PDXDC1: variants seen among roughly 807,000 people sequenced by gnomAD.
PDXDC1 encodes the protein pyridoxal-dependent decarboxylase domain-containing protein 1.
PDXDC1 carries 42 observed loss-of-function variants against 100.1 expected under a neutral mutation model. That is an observed-to-expected ratio of 0.42 (90% CI 0.33 to 0.54). The LOEUF (loss-of-function observed/expected upper bound fraction) is 0.54. Ranked by LOEUF, PDXDC1 falls within the 20% of genes least tolerant of loss-of-function variation. The probability of loss-of-function intolerance (pLI) is 0.10; values close to 1 mark genes in which losing one functional copy is unlikely to be tolerated. For missense variants in PDXDC1, 636 were observed against 979.2 expected (o/e 0.65, Z 4.68); for synonymous variants, 260 against 371.7 (o/e 0.70, Z 3.46).
downstream of PDXDC1, chr16:15,040,112 C>T (rs376355936): frequency 2.1e-5 from 23 of 1,083,488 alleles, no homozygotes; most frequent in African/African-American, 2.3e-4. Flanking sequence ...AAGACCAAAG[C>T]GGAAAGTCTG....
intron 16 of PDXDC1, chr16:15,091,259 T>C: frequency 6.2e-7 from 1 of 1,600,300 alleles, no homozygotes. Context: ...AAGAGCAAAC[T>C]ATGTCTGTAT....
At position 15,028,990 on chromosome 16, in the gene PDXDC1, T is replaced by G. The variant is rs780118114; in HGVS notation, c.1293+24T>G. On this transcript the variant is annotated intron_variant, in intron 15 of 22. Transcript: ENST00000396410. ...GGGTGAGAATGGCAGTCACCCCCCT[T>G]TCCTTTCAGGTCCCCGTCCATCACC... The G allele has an allele frequency of 4.3e-5, 69 of 1,607,364 alleles. No individual in the cohort carries two copies. The South Asian group carries it at 7.4e-4, about 17-fold the overall frequency.
intron 16 of PDXDC1, chr16:15,127,744 C>T: frequency 1.3e-6 from 2 of 1,544,648 alleles, no homozygotes; most frequent in South Asian, 1.2e-5. Context: ...CAGGAAGAGG[C>T]AGATGAGGAG....
chr16:15,109,617 A>G (rs934588604), intron 16 of PDXDC1, among the ~76,000 whole-genome samples: 2 of 119,032 alleles, frequency 1.7e-5, no homozygotes, highest in Non-Finnish European at 3.4e-5. Flanking sequence ...AGATCATGCC[A>G]CTGCACTCTA....
At chr16:15,137,863 CG>C in intron 16 of PDXDC1, 1 of 1,120,142 alleles carries the variant, frequency 8.9e-7, no homozygotes, top group African/African-American at 1.5e-5. Flanking sequence ...GCTGCTCCTC[CG>C]CCCATCGCGG....
rs1836704596 is a variant in PDXDC1, at chr16:15,028,948, T to A, written c.1275T>A (p.Cys425Ter). The change falls in exon 15 of 23, where the codon TGT becomes TGA. Residue 425 changes from cysteine to a stop codon, truncating the protein, a stop_gained. Transcript: ENST00000396410. LOFTEE classifies it high-confidence loss of function. ...GAGTCGGCCGGGAGAGGCACTCGTG[T>A]GACGCGCTGAATCGCTGGGTGAGAA... ...PSGVGRERHS[C>*]DALNRWLGEQ... 6.2e-7 allele frequency: 1 copy of A among 1,613,226 alleles called. No homozygotes were observed. Among genetic ancestry groups the A allele is most frequent in the Non-Finnish European group, 8.5e-7 (1 of 1,179,974 alleles).
downstream of PDXDC1, among the ~76,000 whole-genome samples, chr16:15,140,881 C>T (rs1432927825): frequency 1.3e-5 from 2 of 152,108 alleles, no homozygotes; most frequent in African/African-American, 4.8e-5. Context: ...CCCAGGACCC[C>T]GAGACCTCAC....
chr16:15,017,001 A>G, intron 9 of PDXDC1, 119 bp from the exon 10 acceptor site: 4 of 1,180,642 alleles, frequency 3.4e-6, no homozygotes, highest in South Asian at 2.6e-5. Flanking sequence ...ATGAAAGCTA[A>G]TAACATTAAA....
Position 15,080,262 on chromosome 16 carries a change from G to A in PDXDC1, c.1399+50206G>A, listed in dbSNP as rs549992334. Among the ~76,000 whole-genome samples, 9 of 152,034 alleles carry A rather than the reference G, an allele frequency of 5.9e-5. No homozygotes were observed. In the East Asian group the frequency reaches 7.7e-4, roughly 13 times the overall value. On this transcript the variant is annotated intron_variant, in intron 16 of 16. Coordinates refer to the PDXDC1 transcript ENST00000535621. ...TACTGTTTCTACATGTATTATGTTC[G>A]GTATAATCATTTCAATTATTCCCAG...
intron 3 of PDXDC1, 106 bp from the exon 4 acceptor site, chr16:15,001,670 G>GAAA: frequency 1.2e-6 from 1 of 852,736 alleles, no homozygotes; most frequent in Non-Finnish European, 1.7e-6. Flanking sequence ...GCTTAAGAAA[G>GAAA]AAAAAAAAAA....
intron 13 of PDXDC1, among the ~76,000 whole-genome samples, chr16:15,023,405 G>T (rs2042348552): frequency 6.6e-6 from 1 of 152,290 alleles, no homozygotes; most frequent in African/African-American, 2.4e-5. Context: ...GTGTTTCTTT[G>T]ACAATTCTGC....
chr16:14,990,253 C>G, intron 1 of PDXDC1: 10 of 648,912 alleles, frequency 1.5e-5, no homozygotes, highest in Non-Finnish European at 1.9e-5. Flanking sequence ...CTGCCCGGCC[C>G]AGACCGCGGC....
intron 16 of PDXDC1, chr16:15,125,511 G>A: frequency 2.7e-6 from 4 of 1,466,534 alleles, no homozygotes; most frequent in Middle Eastern, 2.4e-4. Context: ...CAGACACAGT[G>A]ACCTGCACCA....
chr16:15,059,422 C>A (rs528199703), intron 16 of PDXDC1, among the ~76,000 whole-genome samples: 1 of 152,268 alleles, frequency 6.6e-6, no homozygotes, highest in East Asian at 1.9e-4. Flanking sequence ...TGCAAGAAAA[C>A]AACAGCCATT....
At chr16:15,114,854 A>C (rs1378298958) in intron 16 of PDXDC1, among the ~76,000 whole-genome samples, 4 of 140,800 alleles carry the variant, frequency 2.8e-5, no homozygotes, top group Admixed American at 7.3e-5. Flanking sequence ...ATATTAAAAG[A>C]AGCAAAGTTG....
downstream of PDXDC1, among the ~76,000 whole-genome samples, chr16:15,142,807 T>C (rs1219477413): frequency 6.9e-6 from 1 of 145,834 alleles, no homozygotes; most frequent in Non-Finnish European, 1.5e-5. Flanking sequence ...TCTGATGCCC[T>C]GCCCCCACGT....
intron 1 of PDXDC1, among the ~76,000 whole-genome samples, chr16:14,991,578 G>A (rs965148354): frequency 6.6e-6 from 1 of 151,636 alleles, no homozygotes; most frequent in Admixed American, 6.6e-5. Flanking sequence ...CCAGGCAGTG[G>A]CACAATCTTG....
intron 7 of PDXDC1, 31 bp downstream of exon 7, chr16:15,008,878 G>A: frequency 6.3e-7 from 1 of 1,598,850 alleles, no homozygotes; most frequent in South Asian, 1.1e-5. Flanking sequence ...GTAAAATCAT[G>A]TGGGATTGTG....
intron 1 of PDXDC1, chr16:14,976,873 A>G (rs1452817427): frequency 6.6e-6 from 1 of 152,390 alleles, no homozygotes; most frequent in Non-Finnish European, 1.5e-5. Flanking sequence ...GTACAAAACG[A>G]TGCAAAGTGG....
Sources: gnomAD v4.1 joint callset for allele counts (sites outside exome capture counted in the v4.1 genomes callset) on GRCh38, gnomAD v4.1.1 for gene constraint, MANE v1.5 for transcripts, NCBI Gene and HGNC (gene_info 2026-07-23, HGNC 2026-07-21) for gene names.